KLRG1: variants seen among roughly 807,000 people sequenced by gnomAD.
KLRG1 encodes the protein killer cell lectin-like receptor subfamily G member 1.
In KLRG1, 16 loss-of-function variants were observed where a neutral mutation model predicts 21.8. The ratio of observed to expected loss-of-function variants is 0.73; its 90% CI spans 0.50 to 1.11. KLRG1 has a LOEUF of 1.11. KLRG1 is among the 50% of genes most tolerant of loss of function. The probability of loss-of-function intolerance (pLI) is 0.00; values close to 1 mark genes in which losing one functional copy is unlikely to be tolerated. For missense variants in KLRG1, 173 were observed against 218.3 expected, an observed-to-expected ratio of 0.79 and a Z score of 1.31; for synonymous variants, 69 against 75.9, an observed-to-expected ratio of 0.91 and a Z score of 0.47.
At chr12:9,202,099 A>G in the KLRG1 span, among the ~76,000 whole-genome samples, 1 of 152,184 alleles carries the variant, frequency 6.6e-6, no homozygotes, top group African/African-American at 2.4e-5. Flanking sequence ...AAATGCAGCT[A>G]TTGCCAGACT....
At chr12:9,125,730 G>T in the KLRG1 span, among the ~76,000 whole-genome samples, 1 of 151,822 alleles carries the variant, frequency 6.6e-6, no homozygotes, top group Non-Finnish European at 1.5e-5. Flanking sequence ...TATATTTTTT[G>T]TTTGTTTGTT....
chr12:9,112,188 C>T, the KLRG1 span: 4 of 1,613,784 alleles, frequency 2.5e-6, no homozygotes, highest in Non-Finnish European at 3.4e-6. Flanking sequence ...AAGTTTTCAT[C>T]CATGGAGACA....
At chr12:9,076,048 T>C in the KLRG1 span, among the ~76,000 whole-genome samples, 57,464 of 152,032 alleles carry the variant, frequency 0.38, 11,603 homozygotes, top group African/African-American at 0.49. Flanking sequence ...ATATAGACCA[T>C]GGTATATGTA....
At chr12:9,122,624 A>T in the KLRG1 span, among the ~76,000 whole-genome samples, 1 of 152,192 alleles carries the variant, frequency 6.6e-6, no homozygotes, top group African/African-American at 2.4e-5. Context: ...AATTTTTGTT[A>T]TGCTAAAAGA....
chr12:9,089,530 C>A, the KLRG1 span, among the ~76,000 whole-genome samples: 2 of 152,094 alleles, frequency 1.3e-5, no homozygotes, highest in African/African-American at 2.4e-5. Context: ...CACTTGAGGC[C>A]AGGAGTTCGA....
At chr12:9,062,582 TTA>T in the KLRG1 span, among the ~76,000 whole-genome samples, 13 of 132,918 alleles carry the variant, frequency 9.8e-5, no homozygotes, top group African/African-American at 2.3e-4. Context: ...ACATATACAT[TTA>T]TATATATACA....
chr12:9,056,521 A>G, the KLRG1 span, among the ~76,000 whole-genome samples: 1 of 152,044 alleles, frequency 6.6e-6, no homozygotes, highest in Non-Finnish European at 1.5e-5. Flanking sequence ...ATAAATCAGT[A>G]TAATACCCAC....
At chr12:9,050,833 G>A in the KLRG1 span, among the ~76,000 whole-genome samples, 1 of 152,208 alleles carries the variant, frequency 6.6e-6, no homozygotes, top group African/African-American at 2.4e-5. Context: ...GCCCAGGAAG[G>A]TCCCTCCCAC....
chr12:9,200,322 G>A, the KLRG1 span: 1 of 1,438,470 alleles, frequency 7.0e-7, no homozygotes, highest in Non-Finnish European at 9.7e-7. Flanking sequence ...CCTCAAAATT[G>A]AGGCAAAATA....
chr12:9,162,103 A>G, the KLRG1 span, among the ~76,000 whole-genome samples: 1 of 152,136 alleles, frequency 6.6e-6, no homozygotes. Flanking sequence ...CTGGGACTAC[A>G]GGCGCCCGCC....
At chr12:8,989,332 T>G (rs1946901041), upstream of KLRG1, among the ~76,000 whole-genome samples, 1 of 152,224 alleles carries the variant, frequency 6.6e-6, no homozygotes, top group Non-Finnish European at 1.5e-5. Flanking sequence ...TTAGTTTCCA[T>G]AACTGAAATT....
the KLRG1 span, chr12:9,196,192 A>T: frequency 1.8e-6 from 1 of 552,888 alleles, no homozygotes; most frequent in East Asian, 2.9e-5. Flanking sequence ...TAGAAAGGAA[A>T]GTATTTCTCC....
Position 9,009,640 on chromosome 12 carries a change from T to C in KLRG1, c.*103T>C. ...AAGCCATGAGTATATAGTTAGCAAA[T>C]ACTGAACTTTCTCAGATATGGCATT... On this transcript the variant is annotated 3_prime_UTR_variant, in exon 5 of 5. Coordinates refer to ENST00000356986, the MANE Select transcript of KLRG1 (RefSeq NM_005810.4). 1 of 1,487,432 alleles carries C rather than the reference T, an allele frequency of 6.7e-7. No homozygotes were observed. Among genetic ancestry groups the C allele is most frequent in the Non-Finnish European group, 8.9e-7 (1 of 1,123,476 alleles). 92.1% of individuals were successfully genotyped at this position (1,487,432 alleles called of 1,614,324 possible).
At chr12:9,132,679 G>GA in the KLRG1 span, among the ~76,000 whole-genome samples, 1 of 151,840 alleles carries the variant, frequency 6.6e-6, no homozygotes, top group African/African-American at 2.4e-5. Flanking sequence ...GGAAGAGTGA[G>GA]AAAAAATATG....
the KLRG1 span, among the ~76,000 whole-genome samples, chr12:9,104,836 A>C: frequency 6.6e-6 from 1 of 152,170 alleles, no homozygotes; most frequent in Non-Finnish European, 1.5e-5. Context: ...TTGTGCCCCA[A>C]ACACCTATTT....
At chr12:9,104,368 T>C in the KLRG1 span, 1 of 1,599,598 alleles carries the variant, frequency 6.3e-7, no homozygotes, top group Non-Finnish European at 8.5e-7. Context: ...CTTTATTTGG[T>C]ATAGGGACGC....
the KLRG1 span, among the ~76,000 whole-genome samples, chr12:9,044,384 G>T: frequency 1.3e-5 from 2 of 152,136 alleles, no homozygotes; most frequent in African/African-American, 2.4e-5. Flanking sequence ...GTACAAACAG[G>T]CTTGGCGTGG....
At chr12:9,215,282 C>T in the KLRG1 span, among the ~76,000 whole-genome samples, 1 of 151,806 alleles carries the variant, frequency 6.6e-6, no homozygotes, top group Admixed American at 6.6e-5. Flanking sequence ...TCAGACTGTA[C>T]CAGTGGCTTG....
the KLRG1 span, among the ~76,000 whole-genome samples, chr12:9,127,625 T>G: frequency 6.6e-6 from 1 of 152,124 alleles, no homozygotes; most frequent in Admixed American, 6.5e-5. Flanking sequence ...GAGCCCAGCA[T>G]CCACTGGGGC....
Sources: allele counts gnomAD v4.1 joint callset (sites outside exome capture counted in the v4.1 genomes callset), GRCh38; gene constraint gnomAD v4.1.1; transcripts MANE v1.5; gene names NCBI Gene and HGNC (gene_info 2026-07-23, HGNC 2026-07-21).